PLD5: variants seen among roughly 807,000 people sequenced by gnomAD.
PLD5 encodes inactive phospholipase D5.
A neutral mutation model predicts 61.1 loss-of-function variants in PLD5; 36 were observed. The ratio of observed to expected loss-of-function variants is 0.59; its 90% CI spans 0.45 to 0.78. The LOEUF (loss-of-function observed/expected upper bound fraction) is 0.78, where lower values mean the gene tolerates loss of function less well. PLD5 is among the 30% of genes least tolerant of loss of function. The pLI is 0.00. For synonymous variants in PLD5, 243 were observed against 242.8 expected (o/e 1.00, Z -0.01); for missense variants, 515 against 644.4 (o/e 0.80, Z 2.17).
rs188492178 is a variant in PLD5 at position 242,463,120 on chromosome 1, C to T, written c.189+60968G>A. On this transcript the variant is annotated intron_variant, in intron 1 of 9. Transcript: ENST00000536534. ...TTCCCACGAGCTCATATCTTTTCCT[C>T]GCACTGTCTGTGGTACTGTAACTTC... Among the ~76,000 whole-genome samples the T allele has an allele frequency of 1.1e-4, 16 of 152,292 alleles. No homozygotes were observed. In the East Asian group the frequency reaches 1.7e-3, roughly 17 times the overall value.
chr1:242,120,534 C>T (rs144903580), intron 6 of PLD5, among the ~76,000 whole-genome samples: 170 of 152,182 alleles, frequency 1.1e-3, no homozygotes, highest in Non-Finnish European at 1.7e-3. Flanking sequence ...TTACAATATA[C>T]GCAGAAGGTT....
rs190957871 is a variant in PLD5 at position 242,405,510 on chromosome 1, C to G, written c.190-57268G>C. Among the ~76,000 whole-genome samples the G allele has an allele frequency of 2.0e-5, 3 of 152,270 alleles. No homozygotes were observed. In the East Asian group the frequency reaches 5.8e-4, roughly 29 times the overall value. On this transcript the variant is annotated intron_variant, in intron 1 of 9. Coordinates refer to ENST00000536534, the MANE Select transcript of PLD5 (RefSeq NM_001372062.1). ...CACATCTGGTCCTGCCCATCACTTT[C>G]AGCTCACTCTCTGCTATTTCATCCC...
chr1:242,516,461 G>T (rs1256024852), intron 1 of PLD5, among the ~76,000 whole-genome samples: 2 of 151,858 alleles, frequency 1.3e-5, no homozygotes, highest in East Asian at 1.9e-4. Context: ...TGTTCTAGAA[G>T]CCTCATTTCA....
At chr1:242,329,135 C>T (rs1396090154) in intron 2 of PLD5, among the ~76,000 whole-genome samples, 3 of 151,946 alleles carry the variant, frequency 2.0e-5, no homozygotes, top group Non-Finnish European at 4.4e-5. Context: ...CTCAGCCTTC[C>T]GAATAGCTGG....
intron 4 of PLD5, among the ~76,000 whole-genome samples, chr1:242,255,046 A>T (rs1467674806): frequency 2.0e-5 from 3 of 152,132 alleles, no homozygotes; most frequent in Non-Finnish European, 4.4e-5. Flanking sequence ...CACATATTGG[A>T]AAAGCATGCC....
At chr1:242,096,151 G>A (rs1347522382) in intron 9 of PLD5, among the ~76,000 whole-genome samples, 1 of 151,888 alleles carries the variant, frequency 6.6e-6, no homozygotes, top group Non-Finnish European at 1.5e-5. Context: ...GTAGAGATGG[G>A]GTTTCACCGT....
Position 242,266,895 on chromosome 1 carries a change from AC to A in PLD5, c.496-1448del, listed in dbSNP as rs140239524. On this transcript the variant is annotated intron_variant, in intron 3 of 9. Coordinates refer to ENST00000536534, the MANE Select transcript of PLD5 (RefSeq NM_001372062.1). ...ACTTTGGGGGACTGAGGCGGGCACAACACCTGAGGTCAGGAGTTTGAAACCA... is the reference window on the plus strand; with the variant it reads ...ACTTTGGGGGACTGAGGCGGGCACAAACCTGAGGTCAGGAGTTTGAAACCA... 2.6e-4 allele frequency among the ~76,000 whole-genome samples: 39 copies of A among 152,182 alleles called. No homozygotes were observed. The East Asian group carries it at 7.2e-3, about 28-fold the overall frequency.
intron 5 of PLD5, among the ~76,000 whole-genome samples, chr1:242,128,817 C>A (rs988950357): frequency 4.6e-5 from 7 of 151,920 alleles, no homozygotes; most frequent in African/African-American, 1.7e-4. Context: ...ACGGGCAAGG[C>A]ACTTCAGCTC....
At chr1:242,435,307 C>T (rs1321745187) in intron 1 of PLD5, among the ~76,000 whole-genome samples, 1 of 149,290 alleles carries the variant, frequency 6.7e-6, no homozygotes, top group African/African-American at 2.6e-5. Flanking sequence ...CAGTTGAGGT[C>T]AAACAAGGTG....
Position 242,362,196 on chromosome 1 carries a change from C to T in PLD5, c.190-13954G>A, listed in dbSNP as rs1305272782. Among the ~76,000 whole-genome samples the T allele has an allele frequency of 3.9e-5, 6 of 152,028 alleles. No homozygotes were observed. In the East Asian group the frequency reaches 5.8e-4, roughly 15 times the overall value. On this transcript the variant is annotated intron_variant, in intron 1 of 9. Transcript: ENST00000536534. ...TTATGTGTACAGTTCTTAAAATCTACAAAGCTGAAAGTTCTAATACAATTA... is the reference window on the plus strand; with the variant it reads ...TTATGTGTACAGTTCTTAAAATCTATAAAGCTGAAAGTTCTAATACAATTA...
At chr1:242,279,564 TTGC>T (rs1239978499) in intron 3 of PLD5, among the ~76,000 whole-genome samples, 1 of 152,084 alleles carries the variant, frequency 6.6e-6, no homozygotes, top group Non-Finnish European at 1.5e-5. Flanking sequence ...AGACCGAGTC[TTGC>T]TGTGTCACCA....
At chr1:242,400,970 T>C (rs952158064) in intron 1 of PLD5, among the ~76,000 whole-genome samples, 1 of 152,184 alleles carries the variant, frequency 6.6e-6, no homozygotes, top group Non-Finnish European at 1.5e-5. Context: ...TTTCTGGCCC[T>C]GGCCCCTCCT....
chr1:242,357,051 T>C (rs1254836720), intron 1 of PLD5, among the ~76,000 whole-genome samples: 3 of 55,910 alleles, frequency 5.4e-5, no homozygotes, highest in Non-Finnish European at 1.5e-4. Flanking sequence ...ATGTTACTAG[T>C]TAGAAGCATT....
At chr1:242,164,948 A>G (rs557618106) in intron 5 of PLD5, among the ~76,000 whole-genome samples, 5 of 152,246 alleles carry the variant, frequency 3.3e-5, no homozygotes, top group Admixed American at 6.5e-5. Flanking sequence ...CACAGACCAC[A>G]TGACTGTTTT....
intron 1 of PLD5, among the ~76,000 whole-genome samples, chr1:242,398,348 C>A (rs1014242557): frequency 6.6e-6 from 1 of 152,104 alleles, no homozygotes; most frequent in Admixed American, 6.6e-5. Flanking sequence ...GCTGTTCAAT[C>A]AAAAATCTTG....
chr1:242,100,363 C>T (rs1660588806), intron 9 of PLD5, among the ~76,000 whole-genome samples: 1 of 152,210 alleles, frequency 6.6e-6, no homozygotes, highest in African/African-American at 2.4e-5. Flanking sequence ...TGCCAGGACT[C>T]ACCTTTGATG....
chr1:242,367,906 G>C (rs1366916585), intron 1 of PLD5, among the ~76,000 whole-genome samples: 1 of 152,148 alleles, frequency 6.6e-6, no homozygotes, highest in Admixed American at 6.6e-5. Context: ...AAACCTCAGT[G>C]GATGGACTGA....
intron 1 of PLD5, among the ~76,000 whole-genome samples, chr1:242,448,476 G>T (rs1666639975): frequency 6.6e-6 from 1 of 152,240 alleles, no homozygotes; most frequent in Admixed American, 6.5e-5. Context: ...TCTTCTCAAT[G>T]ATATGTAATC....
rs1241364700 is a variant in PLD5, at chr1:242,316,053, C to T, written c.327-27523G>A. ...CGTAAGTTACTTAAGTCCTCTATACCTGTTTCCTCGTGTGGAAAAAGGAGG... is the reference window on the plus strand; with the variant it reads ...CGTAAGTTACTTAAGTCCTCTATACTTGTTTCCTCGTGTGGAAAAAGGAGG... On this transcript the variant is annotated intron_variant, in intron 2 of 9. Coordinates refer to ENST00000536534, the MANE Select transcript of PLD5 (RefSeq NM_001372062.1). Among the ~76,000 whole-genome samples, 10 of 152,134 alleles carry T rather than the reference C, an allele frequency of 6.6e-5. No individual in the cohort carries two copies. In the South Asian group the frequency reaches 1.7e-3, roughly 25 times the overall value.
Sources: gnomAD v4.1 joint callset for allele counts (sites outside exome capture counted in the v4.1 genomes callset) on GRCh38, gnomAD v4.1.1 for gene constraint, MANE v1.5 for transcripts, NCBI Gene and HGNC (gene_info 2026-07-23, HGNC 2026-07-21) for gene names.